The following RMND5A variants were observed in gnomAD, a reference collection of about 807,000 sequenced individuals.
The protein encoded by RMND5A is E3 ubiquitin-protein transferase RMND5A.
RMND5A carries 17 observed loss-of-function variants against 49.7 expected under a neutral mutation model. The ratio of observed to expected loss-of-function variants is 0.34; its 90% CI spans 0.23 to 0.51. The LOEUF (loss-of-function observed/expected upper bound fraction) is 0.51. RMND5A is among the 20% of genes least tolerant of loss of function. The pLI, the probability that RMND5A is intolerant of heterozygous loss-of-function variation, is 0.96. For synonymous variants in RMND5A, 156 were observed against 167.7 expected (o/e 0.93, Z 0.54); for missense variants, 255 against 471.3 (o/e 0.54, Z 4.25).
chr2:86,727,766 G>A lies in RMND5A; in HGVS notation c.142+6957G>A, dbSNP rs1233773893. Among the ~76,000 whole-genome samples, 2 of 63,104 alleles carry A rather than the reference G, an allele frequency of 3.2e-5. 1 individual carries two copies. Among genetic ancestry groups the A allele is most frequent in the Non-Finnish European group, 6.4e-5 (2 of 31,252 alleles). The allele number at this position is 63,104 out of a possible 152,430, so 41.4% of individuals were successfully genotyped here. On this transcript the variant is annotated intron_variant, in intron 1 of 8. Coordinates refer to ENST00000283632, the MANE Select transcript of RMND5A (RefSeq NM_022780.4). ...TCTCTAACTGGACGTTTCCTTGAAA[G>A]CTCTGAGAGTAGCAGACACTTCTGG...
intron 4 of RMND5A, among the ~76,000 whole-genome samples, chr2:86,754,457 A>C (rs1032509373): frequency 1.9e-4 from 29 of 152,380 alleles, no homozygotes; most frequent in African/African-American, 6.5e-4. Flanking sequence ...TCAGTGTTAC[A>C]GGGTTAGCTG....
intron 4 of RMND5A, among the ~76,000 whole-genome samples, chr2:86,759,670 A>G (rs527942388): frequency 2.3e-4 from 32 of 138,638 alleles, no homozygotes; most frequent in Admixed American, 8.9e-4. Context: ...CGCGGTGGTG[A>G]GCACCTGTAA....
chr2:86,751,861 CTATT>C (rs756816715), intron 2 of RMND5A, 31 bp from the exon 3 acceptor site: 3 of 1,592,014 alleles, frequency 1.9e-6, no homozygotes, highest in Non-Finnish European at 2.6e-6. Context: ...TGAAAATAAT[CTATT>C]TATGATTCCC....
At chr2:86,745,250 G>A (rs1337779366) in intron 2 of RMND5A, among the ~76,000 whole-genome samples, 1 of 152,102 alleles carries the variant, frequency 6.6e-6, no homozygotes, top group Non-Finnish European at 1.5e-5. Context: ...ATCTGATGTG[G>A]TATAATTAAA....
At chr2:86,728,743 CT>C (rs1227906547) in intron 1 of RMND5A, among the ~76,000 whole-genome samples, 2 of 141,412 alleles carry the variant, frequency 1.4e-5, no homozygotes, top group African/African-American at 5.5e-5. Context: ...AAGTCTGTGC[CT>C]TAAGTGGTGT....
Position 86,776,730 on chromosome 2 carries a change from C to T in RMND5A, c.*3319C>T, listed in dbSNP as rs565983502. 6.6e-6 allele frequency: 1 copy of T among 152,246 alleles called. No homozygotes were observed. The highest frequency in any genetic ancestry group is 1.9e-4 in the East Asian group (1 of 5,186). The allele number at this position is 152,246 out of a possible 1,614,324, so 9.4% of individuals were successfully genotyped here. On this transcript the variant is annotated 3_prime_UTR_variant, in exon 9 of 9. Transcript: ENST00000283632. ...ACGCTGCTCAGTCTGTTTCGTCAGC[C>T]GACTCAGGTTATTTTCAGGGAAGGC...
intron 2 of RMND5A, among the ~76,000 whole-genome samples, chr2:86,743,017 A>G (rs1418831381): frequency 6.6e-6 from 1 of 152,170 alleles, no homozygotes; most frequent in African/African-American, 2.4e-5. Flanking sequence ...TATGCCATGT[A>G]TGTCCCTGTT....
In RMND5A at chr2:86,773,417, T is replaced by A; in HGVS notation, c.*6T>A. 1 of 1,587,326 alleles carries A rather than the reference T, an allele frequency of 6.3e-7. No individual in the cohort carries two copies. The highest frequency in any genetic ancestry group is 8.7e-7 in the Non-Finnish European group (1 of 1,155,790). ...CCAAACAGATATTTTTCTGAAGAGA[T>A]AACTTTAGTTTGCAATTTGTAAGTG... On this transcript the variant is annotated 3_prime_UTR_variant, in exon 9 of 9. Transcript: ENST00000283632.
Position 86,773,476 on chromosome 2 carries a change from G to A in RMND5A, c.*65G>A, listed in dbSNP as rs1013224355. On this transcript the variant is annotated 3_prime_UTR_variant, in exon 9 of 9. Transcript: ENST00000283632. ...TCGTGGGTGCATTTCAGAAGAGAAC[G>A]TTCCATATAATGCAGCTAACCAAGG... 8 of 1,054,700 alleles carry A rather than the reference G, an allele frequency of 7.6e-6. No homozygotes were observed. Among genetic ancestry groups the A allele is most frequent in the East Asian group, 4.8e-5 (2 of 41,978 alleles). The allele number at this position is 1,054,700 out of a possible 1,614,324, so 65.3% of individuals were successfully genotyped here.
intron 6 of RMND5A, among the ~76,000 whole-genome samples, chr2:86,768,039 T>C (rs1672629514): frequency 6.6e-6 from 1 of 152,192 alleles, no homozygotes; most frequent in South Asian, 2.1e-4. Context: ...TATATTTTTG[T>C]TTTGGAAACT....
At chr2:86,766,304 C>G (rs527752244) in intron 6 of RMND5A, among the ~76,000 whole-genome samples, 2 of 152,240 alleles carry the variant, frequency 1.3e-5, no homozygotes, top group South Asian at 2.1e-4. Context: ...ACTGCTAGAG[C>G]CTTAGCACAA....
Position 86,765,196 on chromosome 2 carries a change from G to A in RMND5A, c.688+3G>A. The stretch of plus-strand genomic sequence containing the variant: ...ATTTGCCCTAAATCATCAAAAAGGT[G>A]AGTCTAGAGTCAGATGTTATTAATG... On this transcript the variant is annotated splice_donor_region_variant and intron_variant, in intron 5 of 8. Coordinates refer to ENST00000283632, the MANE Select transcript of RMND5A (RefSeq NM_022780.4). 1 of 1,563,506 alleles carries A rather than the reference G, an allele frequency of 6.4e-7. No individual in the cohort carries two copies. The highest frequency in any genetic ancestry group is 8.6e-7 in the Non-Finnish European group (1 of 1,160,148).
chr2:86,752,377 T>C (rs1208222213), intron 3 of RMND5A, among the ~76,000 whole-genome samples: 1 of 152,212 alleles, frequency 6.6e-6, no homozygotes, highest in East Asian at 1.9e-4. Flanking sequence ...GACAAAAACA[T>C]TGATGTTTGT....
chr2:86,720,811 T>C lies in RMND5A; in HGVS notation c.142+2T>C. On this transcript the variant is annotated splice_donor_variant, in intron 1 of 8. Coordinates refer to ENST00000283632, the MANE Select transcript of RMND5A (RefSeq NM_022780.4). LOFTEE classifies it high-confidence loss of function. ...AGCACGAGATCCTGCAGAGCCACGG[T>C]AGGGCGGCCCGCGTGGGCGCGCGGG... 6.3e-7 allele frequency: 1 copy of C among 1,585,268 alleles called. No individual in the cohort carries two copies. The highest frequency in any genetic ancestry group is 8.6e-7 in the Non-Finnish European group (1 of 1,167,044).
Position 86,751,958 on chromosome 2 carries a change from G to A in RMND5A, c.348G>A (p.Arg116=). ...IDGCWQADSQ[R]LLNEVMVEHF... is the part of the protein sequence containing the mutation. Reference sequence around the variant, plus strand: ...GCTGCTGGCAGGCAGACAGCCAAAGGCTTCTCAATGAGGTGATGGTGGAGC... The same window carrying A: ...GCTGCTGGCAGGCAGACAGCCAAAGACTTCTCAATGAGGTGATGGTGGAGC... Residue 116 remains arginine (R), a synonymous_variant, in exon 3 of 9, where the codon AGG becomes AGA. Transcript: ENST00000283632. 1.2e-6 allele frequency: 2 copies of A among 1,613,972 alleles called. No homozygotes were observed. Among genetic ancestry groups the A allele is most frequent in the Non-Finnish European group, 1.7e-6 (2 of 1,179,924 alleles).
chr2:86,736,328 C>T (rs1259230085), intron 1 of RMND5A, among the ~76,000 whole-genome samples: 5 of 116,396 alleles, frequency 4.3e-5, no homozygotes, highest in Admixed American at 3.7e-4. Context: ...GGACTGTGGG[C>T]GTGCACCACC....
chr2:86,759,170 T>C (rs2104402848), intron 4 of RMND5A, among the ~76,000 whole-genome samples: 1 of 152,332 alleles, frequency 6.6e-6, no homozygotes. Context: ...ACTAATGCTG[T>C]CTGTTAGGTT....
At chr2:86,746,683 C>T (rs370839914) in intron 2 of RMND5A, among the ~76,000 whole-genome samples, 1 of 152,172 alleles carries the variant, frequency 6.6e-6, no homozygotes, top group East Asian at 1.9e-4. Context: ...GAATTTCTCT[C>T]CTTTCCATAG....
chr2:86,772,656 G>A (rs1446315112), intron 8 of RMND5A, among the ~76,000 whole-genome samples: 3 of 151,020 alleles, frequency 2.0e-5, no homozygotes, highest in African/African-American at 7.3e-5. Context: ...GTGCAGTGGT[G>A]CTGTCTCAGC....
Sources: allele counts gnomAD v4.1 joint callset (sites outside exome capture counted in the v4.1 genomes callset), GRCh38; gene constraint gnomAD v4.1.1; transcripts MANE v1.5; gene names NCBI Gene and HGNC (gene_info 2026-07-23, HGNC 2026-07-21).